Variants in TMEM266 observed in about 807,000 individuals in gnomAD.
TMEM266 encodes Hv1 related protein 1.
A neutral mutation model predicts 50.5 loss-of-function variants in TMEM266; 33 were observed. That is an observed-to-expected ratio of 0.65 (90% CI 0.50 to 0.87). TMEM266 has a LOEUF of 0.87. Among genes scored for constraint, TMEM266 ranks in the 40% least tolerant of loss-of-function variants. The pLI is 0.00. For synonymous variants in TMEM266, 310 were observed against 292.3 expected (o/e 1.06, Z -0.62); for missense variants, 655 against 695.1 (o/e 0.94, Z 0.65).
chr15:76,072,994 T>C lies in TMEM266; in HGVS notation c.-97+12978T>C, dbSNP rs191828074. On this transcript the variant is annotated intron_variant, in intron 1 of 10. Transcript: ENST00000388942. ...TTGCCCGGGCTGGAGTGCAATGGTA[T>C]GATCTTGGCTCACTGCAATCTCTGC... is the stretch of plus-strand genomic sequence containing the variant. Among the ~76,000 whole-genome samples the C allele has an allele frequency of 3.7e-3, 569 of 151,968 alleles. 4 individuals are homozygous for C. The highest frequency in any genetic ancestry group is 0.013 in the African/African-American group (535 of 41,414).
At chr15:76,155,483 T>A (rs1262139071) in intron 3 of TMEM266, among the ~76,000 whole-genome samples, 1 of 152,160 alleles carries the variant, frequency 6.6e-6, no homozygotes, top group African/African-American at 2.4e-5. Context: ...TGCTGTGATG[T>A]CCAGGGTCAT....
At chr15:76,167,258 C>T (rs1218702207) in intron 5 of TMEM266, among the ~76,000 whole-genome samples, 2 of 151,946 alleles carry the variant, frequency 1.3e-5, no homozygotes, top group African/African-American at 4.8e-5. Flanking sequence ...ATCATGAGGT[C>T]GGTAGATCGA....
chr15:76,196,404 A>G (rs1187586905), intron 9 of TMEM266, among the ~76,000 whole-genome samples: 3 of 152,178 alleles, frequency 2.0e-5, no homozygotes, highest in African/African-American at 7.2e-5. Flanking sequence ...AGGAACACAC[A>G]TGATTCACAG....
intron 9 of TMEM266, among the ~76,000 whole-genome samples, chr15:76,200,061 G>A (rs2142090561): frequency 6.6e-6 from 1 of 152,208 alleles, no homozygotes; most frequent in South Asian, 2.1e-4. Flanking sequence ...GACGTCCCTG[G>A]AAGGCCCCGA....
At chr15:76,141,237 T>C (rs1203723650) in intron 3 of TMEM266, among the ~76,000 whole-genome samples, 1 of 37,112 alleles carries the variant, frequency 2.7e-5, no homozygotes, top group African/African-American at 9.6e-5. Flanking sequence ...CTCAGTATAC[T>C]TTTTTTTTTT....
chr15:76,141,644 G>A (rs768561458), intron 3 of TMEM266, among the ~76,000 whole-genome samples: 23 of 152,114 alleles, frequency 1.5e-4, no homozygotes, highest in Non-Finnish European at 2.6e-4. Flanking sequence ...TGGCATTAAG[G>A]ACATACACAT....
At position 76,204,694 on chromosome 15, in the gene TMEM266, G is replaced by T. The variant is rs1243207846; in HGVS notation, c.*379G>T. 2.4e-5 allele frequency: 4 copies of T among 168,418 alleles called. No homozygotes were observed. The highest frequency in any genetic ancestry group is 3.8e-5 in the Non-Finnish European group (3 of 78,140). 10.4% of individuals were successfully genotyped at this position (168,418 alleles called of 1,614,324 possible). A position where few individuals can be genotyped will look rare whatever the true frequency, so the allele number is the denominator to read the frequency against. ...TCTAGGGAACAGCACTGTGAGCAGG[G>T]GCTGTCCAGCCCCACCCCTAAGCCG... On this transcript the variant is annotated 3_prime_UTR_variant, in exon 11 of 11. Coordinates refer to ENST00000388942, the MANE Select transcript of TMEM266 (RefSeq NM_152335.3).
chr15:76,170,600 C>T (rs981940547), intron 6 of TMEM266, among the ~76,000 whole-genome samples: 2 of 152,210 alleles, frequency 1.3e-5, no homozygotes, highest in Non-Finnish European at 2.9e-5. Flanking sequence ...GGGTTCCGGG[C>T]TCCTGTTCCC....
In TMEM266 at chr15:76,089,785, G is replaced by A. The variant is rs372895720; in HGVS notation, c.-97+29769G>A. Among the ~76,000 whole-genome samples the A allele has an allele frequency of 3.4e-4, 52 of 152,230 alleles. 5 individuals are homozygous for A. The highest frequency in any genetic ancestry group is 1.9e-3 in the East Asian group (10 of 5,174). ...TGGGAGTTGTTTCAGTAATCCAAGT[G>A]AGAAATAATGAGGATCTGAATTAGG... On this transcript the variant is annotated intron_variant, in intron 1 of 10. Coordinates refer to ENST00000388942, the MANE Select transcript of TMEM266 (RefSeq NM_152335.3).
chr15:76,140,566 G>A (rs2037661251), intron 3 of TMEM266, among the ~76,000 whole-genome samples: 5 of 152,262 alleles, frequency 3.3e-5, no homozygotes, highest in Middle Eastern at 6.8e-3. Flanking sequence ...AAAGTGCTCC[G>A]TGGCCCCGCT....
In TMEM266 at chr15:76,063,954, C is replaced by A. The variant is rs573960532; in HGVS notation, c.-97+3938C>A. Reference sequence around the variant, plus strand: ...TGAGCCGGTGTTGGGAAGAGAGGAACCTGTAAAGATGGGGAAAAAGTCACC... The same window carrying A: ...TGAGCCGGTGTTGGGAAGAGAGGAAACTGTAAAGATGGGGAAAAAGTCACC... On this transcript the variant is annotated intron_variant, in intron 1 of 10. Coordinates refer to ENST00000388942, the MANE Select transcript of TMEM266 (RefSeq NM_152335.3). 1.2e-3 allele frequency among the ~76,000 whole-genome samples: 185 copies of A among 152,162 alleles called. 1 individual carries two copies. Among genetic ancestry groups the A allele is most frequent in the Non-Finnish European group, 1.6e-3 (112 of 68,002 alleles).
intron 9 of TMEM266, among the ~76,000 whole-genome samples, chr15:76,197,760 G>T (rs1297324959): frequency 1.3e-5 from 2 of 152,176 alleles, no homozygotes; most frequent in Admixed American, 6.5e-5. Context: ...CAGGGCATGT[G>T]GTTGGCGCCC....
At chr15:76,165,040 G>A (rs1224847312) in intron 5 of TMEM266, among the ~76,000 whole-genome samples, 1 of 152,270 alleles carries the variant, frequency 6.6e-6, no homozygotes, top group Non-Finnish European at 1.5e-5. Context: ...CCCTCCCCAG[G>A]GAAAGACGCT....
At chr15:76,179,585 T>G (rs997818292) in intron 8 of TMEM266, among the ~76,000 whole-genome samples, 5 of 152,156 alleles carry the variant, frequency 3.3e-5, no homozygotes, top group Non-Finnish European at 7.3e-5. Context: ...TGGGGTATTT[T>G]ATACTGCAGG....
At chr15:76,198,737 C>T (rs927833790) in intron 9 of TMEM266, among the ~76,000 whole-genome samples, 7 of 152,240 alleles carry the variant, frequency 4.6e-5, no homozygotes, top group African/African-American at 1.7e-4. Flanking sequence ...CCTTGGTCCC[C>T]CTCTGTGGGT....
At chr15:76,126,907 C>T (rs1034984747) in intron 1 of TMEM266, among the ~76,000 whole-genome samples, 3 of 151,694 alleles carry the variant, frequency 2.0e-5, no homozygotes, top group Non-Finnish European at 2.9e-5. Context: ...CCAGGGGTTG[C>T]GGGGGGCAGG....
intron 5 of TMEM266, among the ~76,000 whole-genome samples, chr15:76,166,893 C>T (rs1263111377): frequency 6.6e-6 from 1 of 152,152 alleles, no homozygotes; most frequent in African/African-American, 2.4e-5. Context: ...TGTGAATGTA[C>T]TTAACACACT....
intron 8 of TMEM266, among the ~76,000 whole-genome samples, chr15:76,180,695 C>T (rs1431263330): frequency 7.0e-6 from 1 of 143,632 alleles, no homozygotes. Context: ...CTCACTGCAA[C>T]CTCCACCTCC....
chr15:76,071,679 A>G (rs543914539), intron 1 of TMEM266, among the ~76,000 whole-genome samples: 1 of 152,308 alleles, frequency 6.6e-6, no homozygotes, highest in African/African-American at 2.4e-5. Flanking sequence ...CCAAGTGTGA[A>G]GACTTTTGCC....
Sources: allele counts gnomAD v4.1 joint callset (sites outside exome capture counted in the v4.1 genomes callset), GRCh38; gene constraint gnomAD v4.1.1; transcripts MANE v1.5; gene names NCBI Gene and HGNC (gene_info 2026-07-23, HGNC 2026-07-21).